The following CSMD3 variants were observed in gnomAD, a reference collection of about 807,000 sequenced individuals.
CSMD3 encodes CUB and Sushi multiple domains 3.
Under a neutral mutation model 435.2 loss-of-function variants are expected in CSMD3, and 177 were observed. The observed-to-expected ratio is 0.41, with a 90% CI of 0.36 to 0.46. The LOEUF is 0.46. Among genes scored for constraint, CSMD3 ranks in the 20% least tolerant of loss-of-function variants. CSMD3 has a pLI of 0.34. For missense variants in CSMD3, 4,265 were observed against 4,504.6 expected (o/e 0.95, Z 1.52); for synonymous variants, 1,656 against 1,520.5 (o/e 1.09, Z -2.07).
In CSMD3 at chr8:112,287,189, T is replaced by C. The variant is rs143253584; in HGVS notation, c.9206A>G (p.Glu3069Gly). Residue 3069 changes from glutamate to glycine, a missense_variant, in exon 58 of 71, where the codon GAA (glutamate) becomes GGA (glycine). Glu to Gly is a moderately conservative substitution (Grantham distance 98). Around this residue, in one of 3 missense-constraint regions of CSMD3, gnomAD observed 3,255 missense variants for 3,380.2 expected, o/e 0.96. Transcript: ENST00000297405. ...AGTACTTTTAGTTCTGAAATTGCTT[T>C]CCTGTCTAGAGCCATGGCCGGGAGT... The part of the protein sequence containing the change: ...PGTPGHGSRQ[E>G]SNFRTKSTVR... 7.4e-6 allele frequency: 12 copies of C among 1,613,672 alleles called. No individual in the cohort carries two copies. The highest frequency in any genetic ancestry group is 1.0e-5 in the Non-Finnish European group (12 of 1,179,840).
chr8:112,620,219 A>G (rs1192089841), intron 22 of CSMD3, among the ~76,000 whole-genome samples: 1 of 152,196 alleles, frequency 6.6e-6, no homozygotes, highest in Non-Finnish European at 1.5e-5. Context: ...ATCTTGATTT[A>G]GTTCCTACTT....
intron 3 of CSMD3, among the ~76,000 whole-genome samples, chr8:113,243,722 T>C (rs1169157045): frequency 6.6e-6 from 1 of 152,200 alleles, no homozygotes; most frequent in South Asian, 2.1e-4. Flanking sequence ...AGCTTACATA[T>C]CCATAAGCAA....
In CSMD3 at chr8:112,550,767, T is replaced by A; in HGVS notation, c.4468A>T (p.Ile1490Phe). Reference sequence around the variant, plus strand: ...AGGGTGCTATGAATTCCTTCAGGAATAAGAGATCCACTAATTTCCTTTAAA... The same window carrying A: ...AGGGTGCTATGAATTCCTTCAGGAAAAAGAGATCCACTAATTTCCTTTAAA... ...MLLKEISGSLIPEGIHSTLNI... is the reference protein window; with the variant it reads ...MLLKEISGSLFPEGIHSTLNI... The change falls in exon 27 of 71, where the codon ATT becomes TTT. Residue 1490 changes from isoleucine to phenylalanine, a missense_variant. Transcript: ENST00000297405. 1 of 1,603,536 alleles carries A rather than the reference T, an allele frequency of 6.2e-7. No individual in the cohort carries two copies. Among genetic ancestry groups the A allele is most frequent in the Non-Finnish European group, 8.5e-7 (1 of 1,170,742 alleles).
chr8:112,686,427 C>T lies in CSMD3; in HGVS notation c.2156-695G>A, dbSNP rs181412169. Among the ~76,000 whole-genome samples the T allele has an allele frequency of 1.4e-4, 21 of 151,504 alleles. No homozygotes were observed. The East Asian group carries it at 3.3e-3, about 24-fold the overall frequency. ...AAGAAACAGAAAAGAAAATGACATA[C>T]TACTCAAAGGAAATCAAAGTTTAAG... On this transcript the variant is annotated intron_variant, in intron 14 of 70. Transcript: ENST00000297405.
At chr8:113,377,060 G>C (rs926410125) in intron 1 of CSMD3, 9 of 1,304,110 alleles carry the variant, frequency 6.9e-6, no homozygotes, top group Non-Finnish European at 7.9e-6. Flanking sequence ...GGGGCGCGGG[G>C]CAAGAGCCTC....
At chr8:113,151,461 T>C (rs2091803881) in intron 4 of CSMD3, among the ~76,000 whole-genome samples, 1 of 151,772 alleles carries the variant, frequency 6.6e-6, no homozygotes, top group South Asian at 2.1e-4. Flanking sequence ...AATAATAACA[T>C]AATATGAAAT....
chr8:112,889,741 T>G (rs2081727071), intron 10 of CSMD3, among the ~76,000 whole-genome samples: 1 of 151,704 alleles, frequency 6.6e-6, no homozygotes, highest in South Asian at 2.1e-4. Context: ...ATATTACAGA[T>G]GTAAACTCAT....
At chr8:113,206,249 A>T (rs1451188804) in intron 3 of CSMD3, among the ~76,000 whole-genome samples, 1 of 152,116 alleles carries the variant, frequency 6.6e-6, no homozygotes, top group African/African-American at 2.4e-5. Flanking sequence ...TGATACACAA[A>T]TATATATGTA....
At chr8:112,261,380 G>T (rs78205203) in intron 61 of CSMD3, among the ~76,000 whole-genome samples, 1 of 151,860 alleles carries the variant, frequency 6.6e-6, no homozygotes, top group Non-Finnish European at 1.5e-5. Flanking sequence ...ATTGATAATT[G>T]CCAATACTGT....
rs774170663 is a variant in CSMD3 at position 112,319,995 on chromosome 8, CAA to C, written c.7166-16_7166-15del. 5 of 1,580,928 alleles carry C rather than the reference CAA, an allele frequency of 3.2e-6. No individual in the cohort carries two copies. Among genetic ancestry groups the C allele is most frequent in the South Asian group, 1.1e-5 (1 of 90,460 alleles). ...TTAGTTGATAGGCTACAAAAATAAA[CAA>C]AGTGTTTATTCCTTTTCTGTGCAGC... On this transcript the variant is annotated splice_polypyrimidine_tract_variant and intron_variant, in intron 45 of 70. Transcript: ENST00000297405.
At chr8:112,804,680 T>A (rs926067414) in intron 12 of CSMD3, among the ~76,000 whole-genome samples, 2 of 144,756 alleles carry the variant, frequency 1.4e-5, no homozygotes, top group South Asian at 2.2e-4. Flanking sequence ...ATTTTATTTT[T>A]TTTGAGATGA....
At chr8:112,306,933 T>G (rs1403042187) in intron 50 of CSMD3, among the ~76,000 whole-genome samples, 1 of 152,134 alleles carries the variant, frequency 6.6e-6, no homozygotes. Context: ...GTTGTATATA[T>G]TTTATACTTT....
At chr8:113,083,965 C>A (rs2131467276) in intron 5 of CSMD3, among the ~76,000 whole-genome samples, 1 of 151,780 alleles carries the variant, frequency 6.6e-6, no homozygotes, top group Non-Finnish European at 1.5e-5. Flanking sequence ...AGAGCAAGAT[C>A]TTTCCTTGAA....
At chr8:112,285,959 T>A (rs1050164155) in intron 58 of CSMD3, among the ~76,000 whole-genome samples, 2 of 152,076 alleles carry the variant, frequency 1.3e-5, no homozygotes, top group East Asian at 3.9e-4. Flanking sequence ...TGGCCTCAAG[T>A]GATCCTCCTG....
At chr8:112,638,065 TC>T (rs2074711332) in intron 21 of CSMD3, among the ~76,000 whole-genome samples, 2 of 151,498 alleles carry the variant, frequency 1.3e-5, no homozygotes, top group South Asian at 4.1e-4. Flanking sequence ...TACAATTTTT[TC>T]CCCCTGTAAT....
In CSMD3 at chr8:112,335,459, T is replaced by G; in HGVS notation, c.7035A>C (p.Gln2345His). 1 of 1,614,018 alleles carries G rather than the reference T, an allele frequency of 6.2e-7. No individual in the cohort carries two copies. The highest frequency in any genetic ancestry group is 8.5e-7 in the Non-Finnish European group (1 of 1,179,958). The change falls in exon 45 of 71, where the codon CAA becomes CAC. Residue 2345 changes from glutamine (Q) to histidine (H), a missense_variant. Gln to His is a conservative substitution (Grantham distance 24, BLOSUM62 0). Transcript: ENST00000297405. ...DFITVWDGPD[Q>H]NSPQIGQFSG... ...TGAACTGACCGATCTGAGGTGAATTTTGGTCTGGTCCATCCCTATGAGACA... is the reference window on the plus strand; with the variant it reads ...TGAACTGACCGATCTGAGGTGAATTGTGGTCTGGTCCATCCCTATGAGACA...
chr8:112,258,807 AG>A (rs1816074925), intron 61 of CSMD3, among the ~76,000 whole-genome samples: 1 of 152,308 alleles, frequency 6.6e-6, no homozygotes, highest in African/African-American at 2.4e-5. Context: ...TGGGAGGCCA[AG>A]GCGGGCGGAT....
chr8:112,289,294 A>G, intron 57 of CSMD3, 71 bp downstream of exon 57: 1 of 1,209,592 alleles, frequency 8.3e-7, no homozygotes, highest in Non-Finnish European at 1.2e-6. Flanking sequence ...TGTTTTGTGT[A>G]TACGTTGCTA....
rs145279822 is a variant in CSMD3, at chr8:112,560,061, A to T, written c.4043-3107T>A. Among the ~76,000 whole-genome samples the T allele has an allele frequency of 3.6e-3, 542 of 151,928 alleles. 2 individuals are homozygous for T. Among genetic ancestry groups the T allele is most frequent in the African/African-American group, 0.013 (520 of 41,528 alleles). On this transcript the variant is annotated intron_variant, in intron 24 of 70. Coordinates refer to ENST00000297405, the MANE Select transcript of CSMD3 (RefSeq NM_198123.2). ...CTAGATTTGAATTAGAAAGCAAAAA[A>T]GTGTATATTAGCTCACTTGTGTCAA... is the stretch of plus-strand genomic sequence containing the variant.
Sources: gnomAD v4.1 joint callset for allele counts (sites outside exome capture counted in the v4.1 genomes callset) on GRCh38, gnomAD v4.1.1 for gene constraint, gnomAD v4.1.1 regional missense constraint, MANE v1.5 for transcripts, NCBI Gene and HGNC (gene_info 2026-07-23, HGNC 2026-07-21) for gene names.